Variants in ZNF782 observed in about 807,000 individuals in gnomAD.
ZNF782 encodes zinc finger protein 782.
ZNF782 carries 12 observed loss-of-function variants against 13.0 expected under a neutral mutation model. The ratio of observed to expected loss-of-function variants is 0.92; its 90% CI spans 0.59 to 1.50. The LOEUF is 1.50. Among genes scored for constraint, ZNF782 ranks in the 40% most tolerant of loss-of-function variants. ZNF782 has a pLI of 0.00. For missense variants in ZNF782, 770 were observed against 822.9 expected (o/e 0.94, Z 0.79); for synonymous variants, 284 against 283.0 (o/e 1.00, Z -0.04).
At chr9:96,933,153 T>C in the ZNF782 span, among the ~76,000 whole-genome samples, 1 of 150,128 alleles carries the variant, frequency 6.7e-6, no homozygotes, top group African/African-American at 2.5e-5. Flanking sequence ...AATTTTTTTG[T>C]ATTTTTAGTA....
upstream of ZNF782, among the ~76,000 whole-genome samples, chr9:96,878,564 C>A (rs1851922920): frequency 6.6e-6 from 1 of 152,306 alleles, no homozygotes; most frequent in East Asian, 1.9e-4. Flanking sequence ...GTTACAACTT[C>A]TTTACAATTT....
At chr9:96,931,184 G>A in the ZNF782 span, among the ~76,000 whole-genome samples, 1 of 152,006 alleles carries the variant, frequency 6.6e-6, no homozygotes, top group Non-Finnish European at 1.5e-5. Context: ...CAGCATGCCC[G>A]GCCTATCCAG....
intron 1 of ZNF782, among the ~76,000 whole-genome samples, chr9:96,865,569 G>A (rs1851746614): frequency 6.6e-6 from 1 of 152,208 alleles, no homozygotes; most frequent in South Asian, 2.1e-4. Context: ...TCAGCAGTGT[G>A]AAAACAGACT....
intron 4 of ZNF782, among the ~76,000 whole-genome samples, chr9:96,840,074 G>C (rs575515532): frequency 3.3e-5 from 5 of 152,030 alleles, no homozygotes; most frequent in African/African-American, 1.2e-4. Flanking sequence ...TTCTTTTAGT[G>C]CCAAAAAATT....
At chr9:96,931,952 G>A in the ZNF782 span, 1 of 1,611,890 alleles carries the variant, frequency 6.2e-7, no homozygotes, top group South Asian at 1.1e-5. Flanking sequence ...CAACGTCTTT[G>A]TCCAGATGAG....
intron 2 of ZNF782, among the ~76,000 whole-genome samples, chr9:96,860,920 A>C (rs1173322505): frequency 6.6e-6 from 1 of 152,246 alleles, no homozygotes; most frequent in Non-Finnish European, 1.5e-5. Context: ...TCTATTTCTC[A>C]TCTTATGCAA....
chr9:96,839,426 A>G (rs1438064474), intron 4 of ZNF782, among the ~76,000 whole-genome samples: 1 of 151,766 alleles, frequency 6.6e-6, no homozygotes, highest in Non-Finnish European at 1.5e-5. Context: ...AAGTCTTCTT[A>G]TGTGTTTTGT....
At chr9:96,832,061 CT>C (rs1186220320) in intron 4 of ZNF782, among the ~76,000 whole-genome samples, 13 of 152,012 alleles carry the variant, frequency 8.6e-5, no homozygotes, top group Admixed American at 8.5e-4. Flanking sequence ...TCATTTTTCC[CT>C]GATCTTCTCT....
chr9:96,920,460 G>A, the ZNF782 span, among the ~76,000 whole-genome samples: 7,271 of 147,420 alleles, frequency 0.049, 434 homozygotes, highest in African/African-American at 0.16. Context: ...TAGAGACGGG[G>A]TTTCACCATG....
At chr9:96,917,382 A>T in the ZNF782 span, among the ~76,000 whole-genome samples, 1 of 151,794 alleles carries the variant, frequency 6.6e-6, no homozygotes, top group Non-Finnish European at 1.5e-5. Flanking sequence ...TGGAAGCTAC[A>T]TAAATAACTA....
intron 1 of ZNF782, among the ~76,000 whole-genome samples, chr9:96,872,118 C>T (rs1037819378): frequency 2.6e-5 from 4 of 152,132 alleles, no homozygotes; most frequent in Admixed American, 2.6e-4. Flanking sequence ...TTATGGAGTG[C>T]AGAGCTTAGA....
At chr9:96,824,008 T>C (rs1372390207) in intron 5 of ZNF782, among the ~76,000 whole-genome samples, 2 of 152,210 alleles carry the variant, frequency 1.3e-5, no homozygotes, top group African/African-American at 4.8e-5. Context: ...CTTCTGAAAC[T>C]ATTCCAATCA....
chr9:96,832,566 C>T (rs1564001834), intron 4 of ZNF782, among the ~76,000 whole-genome samples: 1 of 152,078 alleles, frequency 6.6e-6, no homozygotes, highest in Non-Finnish European at 1.5e-5. Context: ...CTGAGAATGT[C>T]TCAATTTTCC....
At chr9:96,847,791 C>A (rs747544347) in intron 3 of ZNF782, among the ~76,000 whole-genome samples, 2 of 152,064 alleles carry the variant, frequency 1.3e-5, no homozygotes, top group Non-Finnish European at 1.5e-5. Context: ...CACAAGATTG[C>A]AAAAGAGGGA....
the ZNF782 span, among the ~76,000 whole-genome samples, chr9:96,918,201 C>T: frequency 2.0e-5 from 3 of 150,944 alleles, no homozygotes; most frequent in Admixed American, 1.3e-4. Context: ...AGGAGTTCAA[C>T]GCCAGCCTGG....
chr9:96,911,966 G>A, the ZNF782 span, among the ~76,000 whole-genome samples: 4 of 151,930 alleles, frequency 2.6e-5, no homozygotes, highest in African/African-American at 7.2e-5. Flanking sequence ...TTGAGAGGCC[G>A]AGGCGGGCAG....
the ZNF782 span, among the ~76,000 whole-genome samples, chr9:96,925,930 C>T: frequency 1.4e-5 from 2 of 141,526 alleles, no homozygotes; most frequent in African/African-American, 5.8e-5. Flanking sequence ...TGTTTCTCAG[C>T]AGTCAGTGTG....
At chr9:96,865,036 A>C (rs910381679) in intron 1 of ZNF782, among the ~76,000 whole-genome samples, 2 of 151,930 alleles carry the variant, frequency 1.3e-5, no homozygotes, top group African/African-American at 2.4e-5. Context: ...ACAGAGCAAG[A>C]CCCTGTCTCT....
chr9:96,926,897 C>T, the ZNF782 span, among the ~76,000 whole-genome samples: 1 of 152,244 alleles, frequency 6.6e-6, no homozygotes, highest in Admixed American at 6.5e-5. Flanking sequence ...CTCTTCCCTT[C>T]CCCAACACCC....
Sources: gnomAD v4.1 joint callset for allele counts (sites outside exome capture counted in the v4.1 genomes callset) on GRCh38, gnomAD v4.1.1 for gene constraint, MANE v1.5 for transcripts, NCBI Gene and HGNC (gene_info 2026-07-23, HGNC 2026-07-21) for gene names.